Variants in CDH12 observed in about 807,000 individuals in gnomAD.
The protein encoded by CDH12 is cadherin-12.
In CDH12, 41 loss-of-function variants were observed where a neutral mutation model predicts 74.1. The observed-to-expected ratio is 0.55, with a 90% CI of 0.43 to 0.72. The LOEUF (loss-of-function observed/expected upper bound fraction) is 0.72. Ranked by LOEUF, CDH12 falls within the 30% of genes least tolerant of loss-of-function variation. The probability of loss-of-function intolerance (pLI) is 0.00; values close to 1 mark genes in which losing one functional copy is unlikely to be tolerated. For missense variants in CDH12, 945 were observed against 977.2 expected (o/e 0.97, Z 0.44); for synonymous variants, 399 against 355.0 (o/e 1.12, Z -1.39).
intron 6 of CDH12, among the ~76,000 whole-genome samples, chr5:21,965,346 T>G (rs1178976305): frequency 6.6e-6 from 1 of 152,074 alleles, no homozygotes; most frequent in Non-Finnish European, 1.5e-5. Flanking sequence ...CTTTGGTTAT[T>G]CCGGCTGCCA....
At chr5:21,880,591 CCTTCCTTCCTTCCTTCCTTCCTT>C (rs1752233743) in intron 6 of CDH12, among the ~76,000 whole-genome samples, 2 of 52,514 alleles carry the variant, frequency 3.8e-5, no homozygotes, top group African/African-American at 1.3e-4. Flanking sequence ...TTCCTTCCTT[CCTTCCTTCCTTCCTTCCTTCCTT>C]CCTTCTTTCT....
At chr5:22,208,932 C>T (rs182402079) in intron 4 of CDH12, among the ~76,000 whole-genome samples, 6 of 152,242 alleles carry the variant, frequency 3.9e-5, no homozygotes, top group Admixed American at 1.3e-4. Context: ...ATAAGCCAAC[C>T]GTTTTCCAAC....
At chr5:22,837,689 G>A (rs116608242) in intron 1 of CDH12, among the ~76,000 whole-genome samples, 326 of 152,138 alleles carry the variant, frequency 2.1e-3, no homozygotes, top group Non-Finnish European at 3.8e-3. Flanking sequence ...TTATATTATG[G>A]CTTGAGTTAT....
chr5:22,129,836 A>G (rs1215840445), intron 4 of CDH12, among the ~76,000 whole-genome samples: 1 of 152,078 alleles, frequency 6.6e-6, no homozygotes. Context: ...GCATAATTAT[A>G]ATCACTAAGA....
intron 5 of CDH12, among the ~76,000 whole-genome samples, chr5:22,013,869 A>G (rs1304887843): frequency 1.3e-5 from 2 of 152,154 alleles, no homozygotes; most frequent in Non-Finnish European, 2.9e-5. Context: ...CTTCTAGAAA[A>G]AAATAATGAA....
chr5:21,753,837 G>A (rs149744362), intron 14 of CDH12, among the ~76,000 whole-genome samples: 2 of 152,178 alleles, frequency 1.3e-5, no homozygotes, highest in Non-Finnish European at 2.9e-5. Flanking sequence ...AGTGTATGAC[G>A]GCCAGAACAT....
intron 7 of CDH12, among the ~76,000 whole-genome samples, chr5:21,847,100 C>G (rs1166434377): frequency 6.6e-6 from 1 of 152,090 alleles, no homozygotes; most frequent in African/African-American, 2.4e-5. Context: ...CTGAAGTCAT[C>G]ACAGAGTGTC....
intron 1 of CDH12, among the ~76,000 whole-genome samples, chr5:22,581,838 T>A (rs1413608124): frequency 1.3e-5 from 2 of 152,166 alleles, no homozygotes; most frequent in African/African-American, 4.8e-5. Context: ...ACCACATTTT[T>A]AACTTTTCTT....
At chr5:21,824,766 AGT>A (rs1748565778) in intron 8 of CDH12, among the ~76,000 whole-genome samples, 1 of 152,182 alleles carries the variant, frequency 6.6e-6, no homozygotes, top group Non-Finnish European at 1.5e-5. Context: ...ACTCACTTTT[AGT>A]AGACAGGGAC....
intron 3 of CDH12, among the ~76,000 whole-genome samples, chr5:22,296,496 T>A (rs900213572): frequency 6.6e-6 from 1 of 152,178 alleles, no homozygotes; most frequent in African/African-American, 2.4e-5. Flanking sequence ...ATTTTCAATT[T>A]GTGACGGATA....
At chr5:22,742,238 G>A (rs1437374577) in intron 1 of CDH12, among the ~76,000 whole-genome samples, 2 of 151,422 alleles carry the variant, frequency 1.3e-5, no homozygotes, top group African/African-American at 4.9e-5. Flanking sequence ...AAGAGAGAAA[G>A]GAAAGAAAAG....
chr5:22,105,098 T>C (rs1406558105), intron 4 of CDH12, among the ~76,000 whole-genome samples: 3 of 151,686 alleles, frequency 2.0e-5, no homozygotes, highest in South Asian at 2.1e-4. Flanking sequence ...CTGCTTTTCT[T>C]TTCTTTTTTT....
chr5:21,787,776 A>G (rs1746275451), intron 10 of CDH12, among the ~76,000 whole-genome samples: 1 of 152,192 alleles, frequency 6.6e-6, no homozygotes, highest in Non-Finnish European at 1.5e-5. Context: ...GCTCACATGA[A>G]TGCTCTCAAA....
chr5:22,545,906 T>C (rs979457542), intron 1 of CDH12, among the ~76,000 whole-genome samples: 2 of 151,974 alleles, frequency 1.3e-5, no homozygotes, highest in East Asian at 3.9e-4. Flanking sequence ...TACAGTAATG[T>C]CACTTAAACT....
At position 22,105,823 on chromosome 5, in the gene CDH12, A is replaced by G. The variant is rs544874039; in HGVS notation, c.-186-26961T>C. Among the ~76,000 whole-genome samples the G allele has an allele frequency of 4.6e-5, 7 of 152,254 alleles. No individual in the cohort carries two copies. The East Asian group carries it at 1.4e-3, about 29-fold the overall frequency. ...ACTTGATTGCCTCTACAAAGACCCT[A>G]TTTTTAAAAATAAAGGTCACATTCT... On this transcript the variant is annotated intron_variant, in intron 4 of 14. Coordinates refer to ENST00000382254, the MANE Select transcript of CDH12 (RefSeq NM_004061.5).
chr5:21,824,549 T>A (rs1748554301), intron 8 of CDH12, among the ~76,000 whole-genome samples: 1 of 152,224 alleles, frequency 6.6e-6, no homozygotes, highest in Non-Finnish European at 1.5e-5. Context: ...TTTGTTGTCA[T>A]ACAATTAGTT....
chr5:22,207,640 A>G (rs1389458979), intron 4 of CDH12, among the ~76,000 whole-genome samples: 4 of 152,210 alleles, frequency 2.6e-5, no homozygotes, highest in Non-Finnish European at 4.4e-5. Context: ...TCAGTTGCTA[A>G]TTTAGTCCTC....
intron 2 of CDH12, among the ~76,000 whole-genome samples, chr5:22,499,449 T>C (rs2126653241): frequency 6.6e-6 from 1 of 152,280 alleles, no homozygotes; most frequent in East Asian, 1.9e-4. Context: ...TTCTCTAGAA[T>C]GGTTCCTGGG....
rs187024585 is a variant in CDH12 at position 22,138,159 on chromosome 5, T to C, written c.-186-59297A>G. On this transcript the variant is annotated intron_variant, in intron 4 of 14. Coordinates refer to ENST00000382254, the MANE Select transcript of CDH12 (RefSeq NM_004061.5). Reference sequence around the variant, plus strand: ...ATTCAAGTTAATCTTCCCTGACTTGTAGTACTTAAAAAATAGTACTCATGG... The same window carrying C: ...ATTCAAGTTAATCTTCCCTGACTTGCAGTACTTAAAAAATAGTACTCATGG... Among the ~76,000 whole-genome samples, 41 of 152,150 alleles carry C rather than the reference T, an allele frequency of 2.7e-4. No individual in the cohort carries two copies. The South Asian group carries it at 3.3e-3, about 12-fold the overall frequency.
Sources: allele counts gnomAD v4.1 joint callset (sites outside exome capture counted in the v4.1 genomes callset), GRCh38; gene constraint gnomAD v4.1.1; transcripts MANE v1.5; gene names NCBI Gene and HGNC (gene_info 2026-07-23, HGNC 2026-07-21).